The following TRDN variants were observed in gnomAD, a reference collection of about 807,000 sequenced individuals.
TRDN encodes the protein triadin.
Under a neutral mutation model 149.7 loss-of-function variants are expected in TRDN, and 161 were observed. The observed-to-expected ratio is 1.08, with a 90% CI of 0.95 to 1.23. The LOEUF is 1.23. Ranked by LOEUF, TRDN falls within the 50% of genes most tolerant of loss-of-function variation. The pLI, the probability that TRDN is intolerant of heterozygous loss-of-function variation, is 0.00. For missense variants in TRDN, 896 were observed against 823.5 expected, an observed-to-expected ratio of 1.09 and a Z score of -1.08; for synonymous variants, 294 against 250.5, an observed-to-expected ratio of 1.17 and a Z score of -1.64.
chr6:123,490,080 A>G (rs1317638631), intron 9 of TRDN, among the ~76,000 whole-genome samples: 1 of 152,228 alleles, frequency 6.6e-6, no homozygotes. Context: ...TTAGGGTAAA[A>G]TTGAAATTGA....
intron 19 of TRDN, among the ~76,000 whole-genome samples, chr6:123,370,215 C>G (rs1781271450): frequency 6.6e-6 from 1 of 152,064 alleles, no homozygotes; most frequent in Non-Finnish European, 1.5e-5. Context: ...TTCTCTATCT[C>G]AAAGTTACAG....
At chr6:123,604,344 C>G (rs1259944627) in intron 1 of TRDN, among the ~76,000 whole-genome samples, 1 of 152,208 alleles carries the variant, frequency 6.6e-6, no homozygotes, top group African/African-American at 2.4e-5. Context: ...CATTGCAGGT[C>G]TATTCACATT....
intron 1 of TRDN, among the ~76,000 whole-genome samples, chr6:123,593,346 T>G (rs1035568931): frequency 3.9e-5 from 6 of 152,196 alleles, no homozygotes; most frequent in Non-Finnish European, 4.4e-5. Context: ...TGAGGCCATC[T>G]TATGAGTAGG....
intron 1 of TRDN, among the ~76,000 whole-genome samples, chr6:123,629,766 T>G (rs886305165): frequency 6.6e-6 from 1 of 152,074 alleles, no homozygotes; most frequent in Non-Finnish European, 1.5e-5. Flanking sequence ...ACAGCTTCAC[T>G]TCAGGCATGG....
intron 9 of TRDN, among the ~76,000 whole-genome samples, chr6:123,492,407 T>C (rs1369625989): frequency 2.6e-5 from 4 of 152,170 alleles, no homozygotes; most frequent in African/African-American, 4.8e-5. Context: ...GGTTTCTTTA[T>C]CTTTAGTGAA....
chr6:123,246,080 A>G (rs1320497131), intron 38 of TRDN, among the ~76,000 whole-genome samples: 1 of 152,062 alleles, frequency 6.6e-6, no homozygotes, highest in Non-Finnish European at 1.5e-5. Context: ...TGGAACACAG[A>G]TAAAGCAGTG....
chr6:123,230,162 A>G (rs1582748061), intron 38 of TRDN, among the ~76,000 whole-genome samples: 1 of 151,946 alleles, frequency 6.6e-6, no homozygotes, highest in South Asian at 2.1e-4. Context: ...ATAGACTGGA[A>G]TAAGAAAATG....
intron 36 of TRDN, 29 bp from the exon 37 acceptor site, chr6:123,255,154 T>C: frequency 9.6e-7 from 1 of 1,045,220 alleles, no homozygotes; most frequent in Non-Finnish European, 1.3e-6. Context: ...TAAATTAAAA[T>C]ATAAATTTTT....
At chr6:123,631,889 C>T (rs1786025153) in intron 1 of TRDN, among the ~76,000 whole-genome samples, 1 of 152,026 alleles carries the variant, frequency 6.6e-6, no homozygotes, top group South Asian at 2.1e-4. Flanking sequence ...TTTCAAATAT[C>T]ACATCACCTC....
chr6:123,247,203 T>G (rs12190932), intron 38 of TRDN, among the ~76,000 whole-genome samples: 34 of 152,316 alleles, frequency 2.2e-4, no homozygotes, highest in Non-Finnish European at 4.7e-4. Flanking sequence ...AAGACAAGTA[T>G]GTGCTCTCTC....
intron 12 of TRDN, among the ~76,000 whole-genome samples, chr6:123,423,015 A>G (rs548213926): frequency 1.8e-4 from 27 of 152,280 alleles, no homozygotes; most frequent in African/African-American, 5.5e-4. Context: ...TATAATTACT[A>G]GCAAAGCAGA....
intron 12 of TRDN, among the ~76,000 whole-genome samples, chr6:123,415,104 C>A (rs1238375887): frequency 1.3e-5 from 2 of 152,108 alleles, no homozygotes; most frequent in Admixed American, 6.6e-5. Context: ...GCTTTGCATA[C>A]TTCTTGGTAA....
chr6:123,303,531 A>C (rs1778504396), intron 24 of TRDN, among the ~76,000 whole-genome samples: 1 of 152,164 alleles, frequency 6.6e-6, no homozygotes, highest in Admixed American at 6.6e-5. Context: ...TACCGCTAGA[A>C]AGTCATGGGC....
chr6:123,578,546 C>T (rs1454945667), intron 1 of TRDN, among the ~76,000 whole-genome samples: 3 of 152,114 alleles, frequency 2.0e-5, no homozygotes, highest in East Asian at 1.9e-4. Context: ...CATGCTATTT[C>T]GCTCACTGTA....
At position 123,260,644 on chromosome 6, in the gene TRDN, GAAAAA is replaced by G; in HGVS notation, c.1805-11_1805-7del. 6 of 1,062,510 alleles carry G rather than the reference GAAAAA, an allele frequency of 5.6e-6. No individual in the cohort carries two copies. Among genetic ancestry groups the G allele is most frequent in the South Asian group, 2.0e-5 (1 of 49,194 alleles). 65.8% of individuals were successfully genotyped at this position (1,062,510 alleles called of 1,614,324 possible). Reference sequence around the variant, plus strand: ...TGTGACTTCTGATGTTCCTTCTTTAGAAAAAAAAAAAAAAAGAATGTAGAAAGAAA... The same window carrying G: ...TGTGACTTCTGATGTTCCTTCTTTAGAAAAAAAAAAGAATGTAGAAAGAAA... On this transcript the variant is annotated splice_polypyrimidine_tract_variant and splice_region_variant and intron_variant, in intron 33 of 40. Transcript: ENST00000334268.
chr6:123,259,767 A>G, intron 34 of TRDN, 105 bp from the exon 35 acceptor site: 1 of 735,458 alleles, frequency 1.4e-6, no homozygotes. Context: ...TTATGAGTGG[A>G]GGGAGTCAGG....
intron 25 of TRDN, 58 bp downstream of exon 25, chr6:123,278,998 T>C (rs913086103): frequency 1.4e-6 from 2 of 1,468,022 alleles, no homozygotes; most frequent in Admixed American, 4.2e-5. Flanking sequence ...TTAAGATTTG[T>C]TTTATGTATG....
chr6:123,479,324 AT>A (rs1777641488), intron 9 of TRDN, among the ~76,000 whole-genome samples: 1 of 152,158 alleles, frequency 6.6e-6, no homozygotes, highest in African/African-American at 2.4e-5. Context: ...AAAGTTATAC[AT>A]TTTTCCATGA....
At chr6:123,283,301 G>A (rs1777667796) in intron 24 of TRDN, among the ~76,000 whole-genome samples, 2 of 151,814 alleles carry the variant, frequency 1.3e-5, no homozygotes, top group African/African-American at 4.8e-5. Context: ...CAAAAAGTCT[G>A]TGACACAGCA....
Sources: gnomAD v4.1 joint callset for allele counts (sites outside exome capture counted in the v4.1 genomes callset) on GRCh38, gnomAD v4.1.1 for gene constraint, MANE v1.5 for transcripts, NCBI Gene and HGNC (gene_info 2026-07-23, HGNC 2026-07-21) for gene names.